The following FAM227A variants were observed in gnomAD, a reference collection of about 807,000 sequenced individuals.
FAM227A encodes the protein family with sequence similarity 227 member A, also known as protein FAM227A.
FAM227A carries 80 observed loss-of-function variants against 74.7 expected under a neutral mutation model. The observed-to-expected ratio is 1.07, with a 90% confidence interval of 0.89 to 1.29. The LOEUF (loss-of-function observed/expected upper bound fraction) is 1.29. FAM227A is among the 50% of genes most tolerant of loss of function. The probability of loss-of-function intolerance (pLI) is 0.00; values close to 1 mark genes in which losing one functional copy is unlikely to be tolerated. For missense variants in FAM227A, 654 were observed against 683.4 expected, an observed-to-expected ratio of 0.96 and a Z score of 0.48; for synonymous variants, 237 against 241.8, an observed-to-expected ratio of 0.98 and a Z score of 0.19.
At chr22:38,647,911 C>T (rs1380074440) in intron 2 of FAM227A, among the ~76,000 whole-genome samples, 1 of 152,108 alleles carries the variant, frequency 6.6e-6, no homozygotes, top group East Asian at 1.9e-4. Context: ...AGAAAGCAGC[C>T]CTGCAAAGTG....
Position 38,628,216 on chromosome 22 carries a change from CTAGA to C in FAM227A, c.726+18_726+21del. On this transcript the variant is annotated intron_variant, in intron 8 of 16. Coordinates refer to ENST00000535113, the MANE Select transcript of FAM227A (RefSeq NM_001013647.2). ...ACAGAAATCTAATGTGACTTTTTTT[CTAGA>C]TAGTGGCTGATGCTCACTTTTAAGA... 7.1e-7 allele frequency: 1 copy of C among 1,401,624 alleles called. No individual in the cohort carries two copies. Among genetic ancestry groups the C allele is most frequent in the Non-Finnish European group, 9.8e-7 (1 of 1,016,476 alleles). 86.8% of individuals were successfully genotyped at this position (1,401,624 alleles called of 1,614,324 possible).
chr22:38,599,375 T>C (rs1362284087), intron 14 of FAM227A, among the ~76,000 whole-genome samples: 4 of 152,088 alleles, frequency 2.6e-5, no homozygotes. Flanking sequence ...AGGAGGGTGT[T>C]AGATGAAACA....
intron 11 of FAM227A, among the ~76,000 whole-genome samples, chr22:38,611,904 T>G (rs1033340629): frequency 6.6e-6 from 1 of 152,210 alleles, no homozygotes; most frequent in Non-Finnish European, 1.5e-5. Context: ...TCTTGATAGC[T>G]TTCCACTAAC....
chr22:38,635,157 C>T (rs540100703), intron 6 of FAM227A, among the ~76,000 whole-genome samples: 12 of 142,598 alleles, frequency 8.4e-5, no homozygotes, highest in East Asian at 2.2e-4. Context: ...AATCAGGGAG[C>T]GGAGCTTGCA....
At chr22:38,655,166 T>C (rs542167023) in intron 1 of FAM227A, among the ~76,000 whole-genome samples, 23 of 150,544 alleles carry the variant, frequency 1.5e-4, no homozygotes, top group African/African-American at 5.4e-4. Context: ...AAAATTTTTT[T>C]AAAGTAAAGC....
chr22:38,607,298 A>T, intron 12 of FAM227A, 91 bp downstream of exon 12: 1 of 932,730 alleles, frequency 1.1e-6, no homozygotes, highest in South Asian at 1.6e-5. Context: ...GTAGGTCAGC[A>T]AATTCTGTTC....
Position 38,585,883 on chromosome 22 carries a change from A to T in FAM227A, c.*242T>A. 1.2e-6 allele frequency: 1 copy of T among 853,904 alleles called. No homozygotes were observed. The highest frequency in any genetic ancestry group is 1.7e-6 in the Non-Finnish European group (1 of 574,296). 52.9% of individuals were successfully genotyped at this position (853,904 alleles called of 1,614,324 possible). A position where few individuals can be genotyped will look rare whatever the true frequency, so the allele number is the denominator to read the frequency against. On this transcript the variant is annotated 3_prime_UTR_variant, in exon 17 of 17. Transcript: ENST00000535113. ...ATTTGTAACATACTTACCAGCATGC[A>T]CGTAATAAAATACTGAAAGAGTAAA...
At chr22:38,647,010 C>T (rs1277265909) in intron 2 of FAM227A, among the ~76,000 whole-genome samples, 1 of 151,352 alleles carries the variant, frequency 6.6e-6, no homozygotes, top group Non-Finnish European at 1.5e-5. Context: ...ATTAGCTGGG[C>T]GTGGTGGCGG....
intron 10 of FAM227A, 28 bp from the exon 11 acceptor site, chr22:38,620,319 T>C (rs2091661185): frequency 2.0e-6 from 3 of 1,498,036 alleles, no homozygotes; most frequent in East Asian, 2.5e-5. Context: ...CTGTTATTAA[T>C]TCCTCTTGTC....
chr22:38,650,213 A>C lies in FAM227A; in HGVS notation c.-45T>G, dbSNP rs1569245065. On this transcript the variant is annotated 5_prime_UTR_variant, in exon 2 of 17. It removes the in-frame stop codon of an upstream open reading frame in the 5' UTR. Transcript: ENST00000535113. ...GGACAAACAAAAAGCTTCCACTTTTAAGAGCCTCTCATTTCCCACTCCAAT... is the reference window on the plus strand; with the variant it reads ...GGACAAACAAAAAGCTTCCACTTTTCAGAGCCTCTCATTTCCCACTCCAAT... 1 of 1,540,778 alleles carries C rather than the reference A, an allele frequency of 6.5e-7. No individual in the cohort carries two copies. Among genetic ancestry groups the C allele is most frequent in the South Asian group, 1.2e-5 (1 of 83,392 alleles).
Position 38,591,469 on chromosome 22 carries a change from G to A in FAM227A, c.1604C>T (p.Ala535Val), listed in dbSNP as rs566926748. ...KANHMFIPPS[A>V]VNEESPDKKT... The stretch of plus-strand genomic sequence containing the variant: ...CTTGTCAGGTGATTCCTCATTGACG[G>A]CTGAAGGTGGGATGAACATGTGGTT... Residue 535 changes from alanine (A) to valine (V), a missense_variant, in exon 16 of 17, where the codon GCC becomes GTC. Transcript: ENST00000535113. 5 of 1,551,204 alleles carry A rather than the reference G, an allele frequency of 3.2e-6. No homozygotes were observed. The East Asian group carries it at 1.2e-4, about 38-fold the overall frequency.
intron 1 of FAM227A, 136 bp downstream of exon 1, chr22:38,655,984 T>C (rs1222094354): frequency 1.3e-5 from 2 of 152,284 alleles, no homozygotes; most frequent in Non-Finnish European, 2.9e-5. Context: ...AGTAGTTCTC[T>C]GTCCCTTCCT....
intron 1 of FAM227A, among the ~76,000 whole-genome samples, chr22:38,653,517 C>G (rs2092350235): frequency 6.6e-6 from 1 of 151,898 alleles, no homozygotes; most frequent in Admixed American, 6.6e-5. Context: ...GCTGGGATTA[C>G]AGGTGCACGC....
Position 38,645,620 on chromosome 22 carries a change from C to T in FAM227A, c.168G>A (p.Gln56=). The T allele has an allele frequency of 6.4e-7, 1 of 1,551,336 alleles. No individual in the cohort carries two copies. Among genetic ancestry groups the T allele is most frequent in the East Asian group, 2.4e-5 (1 of 40,894 alleles). Residue 56 remains glutamine (Q), a synonymous_variant, in exon 3 of 17, where the codon CAG becomes CAA. Coordinates refer to ENST00000535113, the MANE Select transcript of FAM227A (RefSeq NM_001013647.2). ...PPSCLIGSMH[Q]VNQKIADINL... The stretch of plus-strand genomic sequence containing the variant: ...TTATGTCAGCAATCTTTTGGTTCAC[C>T]TGGTGCATGGAGCCAATAAGGCATG...
In FAM227A at chr22:38,582,499, A is replaced by G; in HGVS notation, c.*3626T>C. 1 of 1,359,986 alleles carries G rather than the reference A, an allele frequency of 7.4e-7. No homozygotes were observed. The highest frequency in any genetic ancestry group is 1.3e-5 in the South Asian group (1 of 76,926). 84.2% of individuals were successfully genotyped at this position (1,359,986 alleles called of 1,614,324 possible). On this transcript the variant is annotated 3_prime_UTR_variant, in exon 17 of 17. Coordinates refer to ENST00000535113, the MANE Select transcript of FAM227A (RefSeq NM_001013647.2). ...AAATGTTAGTTCCCTTTGATGCTCTACCCCGCTTCCCTTATAAAGGGCAAA... is the reference window on the plus strand; with the variant it reads ...AAATGTTAGTTCCCTTTGATGCTCTGCCCCGCTTCCCTTATAAAGGGCAAA...
intron 15 of FAM227A, 132 bp from the exon 16 acceptor site, chr22:38,591,672 A>G: frequency 1.6e-6 from 1 of 621,456 alleles, no homozygotes; most frequent in Non-Finnish European, 2.6e-6. Flanking sequence ...TAACATAGAA[A>G]CTAGGAGTGC....
intron 16 of FAM227A, 26 bp from the exon 17 acceptor site, chr22:38,586,225 A>G (rs1569183009): frequency 1.3e-6 from 2 of 1,547,542 alleles, no homozygotes; most frequent in South Asian, 2.4e-5. Context: ...ACGAACAAAA[A>G]CAAAAATTAA....
At chr22:38,604,962 T>G (rs2091253479) in intron 13 of FAM227A, among the ~76,000 whole-genome samples, 1 of 152,098 alleles carries the variant, frequency 6.6e-6, no homozygotes. Flanking sequence ...CTTTATTTTT[T>G]TATTATTGTT....
At position 38,585,764 on chromosome 22, in the gene FAM227A, C is replaced by T. The variant is rs1306953935; in HGVS notation, c.*361G>A. On this transcript the variant is annotated 3_prime_UTR_variant, in exon 17 of 17. Coordinates refer to ENST00000535113, the MANE Select transcript of FAM227A (RefSeq NM_001013647.2). ...GTCTACAGCAGAGAACTTCGGAAAC[C>T]TTTCTAAACCTGGGCTTGCTGCTGC... is the stretch of plus-strand genomic sequence containing the variant. 8.5e-6 allele frequency: 3 copies of T among 351,272 alleles called. No homozygotes were observed. Among genetic ancestry groups the T allele is most frequent in the Non-Finnish European group, 1.6e-5 (3 of 191,848 alleles). The allele number at this position is 351,272 out of a possible 1,614,324, so 21.8% of individuals were successfully genotyped here.
Sources: allele counts gnomAD v4.1 joint callset (sites outside exome capture counted in the v4.1 genomes callset), GRCh38; gene constraint gnomAD v4.1.1; transcripts MANE v1.5; gene names NCBI Gene and HGNC (gene_info 2026-07-23, HGNC 2026-07-21).